C8orf76: variants seen among roughly 807,000 people sequenced by gnomAD.
C8orf76 encodes uncharacterized protein C8orf76.
C8orf76 carries 46 observed loss-of-function variants against 38.1 expected under a neutral mutation model. That is an observed-to-expected ratio of 1.21 (90% CI 0.95 to 1.54). C8orf76 has a LOEUF of 1.54. C8orf76 is among the 40% of genes most tolerant of loss of function. The pLI is 0.00. For synonymous variants in C8orf76, 166 were observed against 167.5 expected, an observed-to-expected ratio of 0.99 and a Z score of 0.07; for missense variants, 461 against 441.6, an observed-to-expected ratio of 1.04 and a Z score of -0.39.
chr8:123,229,744 C>T (rs545359026), intron 4 of C8orf76, among the ~76,000 whole-genome samples: 4 of 152,292 alleles, frequency 2.6e-5, no homozygotes, highest in East Asian at 3.9e-4. Context: ...TAGCTGGGAA[C>T]GGTAGCTCAC....
chr8:123,231,664 A>G lies in C8orf76; in HGVS notation c.451T>C (p.Phe151Leu), dbSNP rs1286340892. Residue 151 changes from phenylalanine to leucine, a missense_variant, in exon 4 of 6, where the codon TTC becomes CTC. Physicochemically the swap from Phe to Leu is conservative, Grantham distance 22. Transcript: ENST00000276704. ...AAAGAAATCAGTTTCTGCAGGCAGA[A>G]AATTGTTTTCTCCAAGTTCTGCAAA... ...SSLQNLEKTI[F>L]CLQKLISLHP... is the part of the protein sequence containing the mutation. 1 of 1,614,176 alleles carries G rather than the reference A, an allele frequency of 6.2e-7. No individual in the cohort carries two copies. Among genetic ancestry groups the G allele is most frequent in the Non-Finnish European group, 8.5e-7 (1 of 1,180,038 alleles).
At chr8:123,239,012 C>T (rs769360047) in intron 2 of C8orf76, 37 bp downstream of exon 2, 42 of 1,602,180 alleles carry the variant, frequency 2.6e-5, no homozygotes, top group South Asian at 2.4e-4. Context: ...ACTGATAAAA[C>T]AAGAGCCCAC....
chr8:123,231,832 A>G, intron 3 of C8orf76, 75 bp from the exon 4 acceptor site: 1 of 1,440,312 alleles, frequency 6.9e-7, no homozygotes, highest in Non-Finnish European at 9.2e-7. Flanking sequence ...TGCCTAAAAA[A>G]CCAAGTTGTA....
chr8:123,233,285 C>G (rs1825343920), intron 3 of C8orf76, among the ~76,000 whole-genome samples: 1 of 151,946 alleles, frequency 6.6e-6, no homozygotes, highest in South Asian at 2.1e-4. Flanking sequence ...TCTGAAAGTG[C>G]TGGGCTTACA....
intron 5 of C8orf76, among the ~76,000 whole-genome samples, chr8:123,221,941 C>T (rs1206245488): frequency 2.0e-5 from 3 of 152,074 alleles, no homozygotes; most frequent in Non-Finnish European, 4.4e-5. Flanking sequence ...ATTTGATAAC[C>T]ACTGGAGTGA....
intron 1 of C8orf76, 80 bp from the exon 2 acceptor site, chr8:123,239,224 A>G: frequency 1.4e-6 from 2 of 1,460,796 alleles, no homozygotes; most frequent in Non-Finnish European, 1.9e-6. Flanking sequence ...CCCATAATAT[A>G]ATTGATTAAA....
intron 4 of C8orf76, 53 bp downstream of exon 4, chr8:123,231,247 A>G (rs919477513): frequency 2.6e-6 from 4 of 1,520,780 alleles, no homozygotes; most frequent in African/African-American, 2.8e-5. Flanking sequence ...TAGAAAATAA[A>G]GCCTTTACTC....
intron 4 of C8orf76, among the ~76,000 whole-genome samples, chr8:123,228,198 C>A (rs1045593457): frequency 6.6e-6 from 1 of 152,162 alleles, no homozygotes; most frequent in Non-Finnish European, 1.5e-5. Flanking sequence ...CAGTGACATC[C>A]ATTTCTTTTT....
At chr8:123,220,704 T>C (rs1038997913) in intron 5 of C8orf76, among the ~76,000 whole-genome samples, 2 of 152,184 alleles carry the variant, frequency 1.3e-5, no homozygotes, top group Non-Finnish European at 2.9e-5. Flanking sequence ...CACCTTTTCC[T>C]GACCCAAAAG....
chr8:123,238,309 G>A (rs977908937), intron 2 of C8orf76, among the ~76,000 whole-genome samples: 6 of 152,056 alleles, frequency 3.9e-5, no homozygotes, highest in South Asian at 2.1e-4. Context: ...TTTGCCTGCC[G>A]CCATGTAAGA....
At chr8:123,230,943 C>T (rs1005422691) in intron 4 of C8orf76, among the ~76,000 whole-genome samples, 2 of 152,074 alleles carry the variant, frequency 1.3e-5, no homozygotes, top group African/African-American at 2.4e-5. Flanking sequence ...CCACCGCGCC[C>T]GGCCCGCATA....
intron 5 of C8orf76, among the ~76,000 whole-genome samples, chr8:123,223,719 A>C (rs79633158): frequency 0.01 from 1,577 of 152,356 alleles, 25 homozygotes; most frequent in African/African-American, 0.036. Flanking sequence ...ATCCATCAAA[A>C]GATGAGTAGA....
At chr8:123,226,197 T>C (rs1450601615) in intron 5 of C8orf76, 1 of 1,192,976 alleles carries the variant, frequency 8.4e-7, no homozygotes, top group African/African-American at 1.6e-5. Context: ...AATGTAAGCA[T>C]TCATTCATTC....
intron 3 of C8orf76, among the ~76,000 whole-genome samples, chr8:123,233,755 G>A (rs1185317768): frequency 2.0e-5 from 3 of 151,990 alleles, no homozygotes; most frequent in Non-Finnish European, 1.5e-5. Context: ...TAGGCCGGGC[G>A]TGGTGGCTCA....
chr8:123,236,812 C>T (rs1825503448), intron 3 of C8orf76: 1 of 623,802 alleles, frequency 1.6e-6, no homozygotes, highest in Admixed American at 2.8e-5. Flanking sequence ...AGAAAAATTC[C>T]CTTTTTCTTC....
rs575449558 is a variant in C8orf76, at chr8:123,227,273, T to A, written c.816-641A>T. Among the ~76,000 whole-genome samples the A allele has an allele frequency of 2.9e-4, 44 of 150,216 alleles. 1 individual carries two copies. The highest frequency in any genetic ancestry group is 6.9e-3 in the Middle Eastern group (2 of 290). ...TTTGGCTCCTTTTTTTTTTTTTTTT[T>A]AATAAATACTCAATATGCAGATTTT... On this transcript the variant is annotated intron_variant, in intron 4 of 5. Transcript: ENST00000276704.
chr8:123,237,542 A>C (rs1250932229), intron 3 of C8orf76, among the ~76,000 whole-genome samples: 1 of 152,224 alleles, frequency 6.6e-6, no homozygotes, highest in Non-Finnish European at 1.5e-5. Flanking sequence ...TAACAAGAGA[A>C]AAACCTCTGC....
Position 123,237,858 on chromosome 8 carries a change from C to G in C8orf76, c.297G>C (p.Gln99His). ...TACCCAGGTGAGCCAGACACCGAGC[C>G]TGACCTTCCTGGACATCCCTTTTCA... is the stretch of plus-strand genomic sequence containing the variant. ...FAMKRDVQEGQARCLAHLGRH... is the reference protein window; with the variant it reads ...FAMKRDVQEGHARCLAHLGRH... Residue 99 changes from glutamine (Q) to histidine (H), a missense_variant, in exon 3 of 6, where the codon CAG becomes CAC. Physicochemically the swap from Gln to His is conservative, Grantham distance 24 (BLOSUM62 0). Coordinates refer to ENST00000276704, the MANE Select transcript of C8orf76 (RefSeq NM_032847.3). The G allele has an allele frequency of 1.9e-6, 3 of 1,614,160 alleles. No homozygotes were observed. Among genetic ancestry groups the G allele is most frequent in the Non-Finnish European group, 2.5e-6 (3 of 1,180,010 alleles).
chr8:123,222,849 TAGTC>T (rs79770839), intron 5 of C8orf76, among the ~76,000 whole-genome samples: 15 of 152,228 alleles, frequency 9.9e-5, no homozygotes, highest in Admixed American at 3.3e-4. Flanking sequence ...TTCAATCTAA[TAGTC>T]AGGATCAGGG....
Sources: allele counts gnomAD v4.1 joint callset (sites outside exome capture counted in the v4.1 genomes callset), GRCh38; gene constraint gnomAD v4.1.1; transcripts MANE v1.5; gene names NCBI Gene and HGNC (gene_info 2026-07-23, HGNC 2026-07-21).